Variants in ENTREP2 observed in about 807,000 individuals in gnomAD.
The protein encoded by ENTREP2 is protein ENTREP2.
chr15:29,661,838 C>A, the ENTREP2 span, among the ~76,000 whole-genome samples: 1 of 152,202 alleles, frequency 6.6e-6, no homozygotes, highest in African/African-American at 2.4e-5. Flanking sequence ...CAAACGTAGT[C>A]AGTGACACAC....
chr15:29,549,269 T>C, the ENTREP2 span, among the ~76,000 whole-genome samples: 3 of 131,650 alleles, frequency 2.3e-5, no homozygotes, highest in Non-Finnish European at 4.8e-5. Flanking sequence ...ACTAGATTTG[T>C]TATACATTTT....
At chr15:29,592,722 G>T in the ENTREP2 span, among the ~76,000 whole-genome samples, 3 of 152,266 alleles carry the variant, frequency 2.0e-5, no homozygotes, top group East Asian at 3.9e-4. Context: ...GAGGTGTTTG[G>T]GTTGTGAGGA....
At chr15:29,359,179 GA>G in the ENTREP2 span, among the ~76,000 whole-genome samples, 3 of 152,100 alleles carry the variant, frequency 2.0e-5, no homozygotes, top group Non-Finnish European at 4.4e-5. Flanking sequence ...AGCTGTTATG[GA>G]AAAAAACTGC....
chr15:29,359,729 T>C, the ENTREP2 span, among the ~76,000 whole-genome samples: 1 of 152,136 alleles, frequency 6.6e-6, no homozygotes, highest in Non-Finnish European at 1.5e-5. Context: ...TCAATTATTC[T>C]ATCTATTGTT....
At chr15:29,299,547 C>T in the ENTREP2 span, among the ~76,000 whole-genome samples, 1 of 152,112 alleles carries the variant, frequency 6.6e-6, no homozygotes, top group Non-Finnish European at 1.5e-5. Flanking sequence ...ACTAGACATC[C>T]ACCTGGCTGG....
chr15:29,223,568 C>T, the ENTREP2 span, among the ~76,000 whole-genome samples: 1 of 152,164 alleles, frequency 6.6e-6, no homozygotes, highest in African/African-American at 2.4e-5. Flanking sequence ...GCCACTAATA[C>T]CCCCTAAAAA....
At chr15:29,350,098 C>A in the ENTREP2 span, among the ~76,000 whole-genome samples, 1 of 152,098 alleles carries the variant, frequency 6.6e-6, no homozygotes. Flanking sequence ...TTTCTACTAG[C>A]TATTTCTTTA....
the ENTREP2 span, among the ~76,000 whole-genome samples, chr15:29,295,556 A>G: frequency 6.6e-6 from 1 of 152,236 alleles, no homozygotes. Flanking sequence ...CTATACTTAC[A>G]TACATATGAT....
the ENTREP2 span, among the ~76,000 whole-genome samples, chr15:29,448,582 C>T: frequency 6.6e-6 from 1 of 152,232 alleles, no homozygotes; most frequent in Non-Finnish European, 1.5e-5. Flanking sequence ...GTCATACTTA[C>T]TGTGAGGCAG....
chr15:29,215,277 T>G, the ENTREP2 span, among the ~76,000 whole-genome samples: 2 of 152,112 alleles, frequency 1.3e-5, no homozygotes, highest in African/African-American at 2.4e-5. Flanking sequence ...CCAAAGGAGA[T>G]TAGCATTTGA....
the ENTREP2 span, among the ~76,000 whole-genome samples, chr15:29,602,202 G>A: frequency 6.6e-6 from 1 of 152,214 alleles, no homozygotes; most frequent in East Asian, 1.9e-4. Context: ...GACTCAAGAA[G>A]TCATCTGCAC....
chr15:29,260,268 C>T, the ENTREP2 span, among the ~76,000 whole-genome samples: 1 of 152,166 alleles, frequency 6.6e-6, no homozygotes. Flanking sequence ...CAGACAAAGA[C>T]ACTACAAGAA....
At chr15:29,291,490 C>T in the ENTREP2 span, among the ~76,000 whole-genome samples, 5 of 152,214 alleles carry the variant, frequency 3.3e-5, no homozygotes, top group East Asian at 9.6e-4. Context: ...ATCCACATTC[C>T]TGCCTTCAGA....
the ENTREP2 span, among the ~76,000 whole-genome samples, chr15:29,423,176 A>G: frequency 6.6e-6 from 1 of 152,124 alleles, no homozygotes; most frequent in Non-Finnish European, 1.5e-5. Context: ...GCCTGCCCCA[A>G]ATGTGACCTT....
At chr15:29,648,517 G>A in the ENTREP2 span, among the ~76,000 whole-genome samples, 1 of 152,168 alleles carries the variant, frequency 6.6e-6, no homozygotes, top group South Asian at 2.1e-4. Context: ...CAGGACTATA[G>A]TACAGCAAAC....
At chr15:29,273,189 ATAAAT>A in the ENTREP2 span, among the ~76,000 whole-genome samples, 2 of 150,874 alleles carry the variant, frequency 1.3e-5, no homozygotes, top group South Asian at 2.1e-4. Flanking sequence ...TGACTAATTT[ATAAAT>A]TAAACTTTTT....
chr15:29,268,310 A>G, the ENTREP2 span: 3 of 153,312 alleles, frequency 2.0e-5, no homozygotes, highest in African/African-American at 7.2e-5. Flanking sequence ...AACCATGAAT[A>G]ATACTTATAT....
At chr15:29,226,165 G>A in the ENTREP2 span, among the ~76,000 whole-genome samples, 1 of 152,186 alleles carries the variant, frequency 6.6e-6, no homozygotes, top group Non-Finnish European at 1.5e-5. Context: ...TTAATCCACT[G>A]AATCAAAGAA....
the ENTREP2 span, among the ~76,000 whole-genome samples, chr15:29,238,922 G>C: frequency 1.3e-5 from 2 of 152,070 alleles, no homozygotes; most frequent in Non-Finnish European, 2.9e-5. Flanking sequence ...CTCCCACCAG[G>C]CCCCATCTCC....
Sources: gnomAD v4.1 joint callset for allele counts (sites outside exome capture counted in the v4.1 genomes callset) on GRCh38, gnomAD v4.1.1 for gene constraint, MANE v1.5 for transcripts, NCBI Gene and HGNC (gene_info 2026-07-23, HGNC 2026-07-21) for gene names.